ARID1B: variants seen among roughly 807,000 people sequenced by gnomAD.
ARID1B encodes AT-rich interactive domain-containing protein 1B.
ARID1B carries 30 observed loss-of-function variants against 212.3 expected under a neutral mutation model. The ratio of observed to expected loss-of-function variants is 0.14; its 90% CI spans 0.11 to 0.19. The LOEUF is 0.19. Ranked by LOEUF, ARID1B falls within the 10% of genes least tolerant of loss-of-function variation. ARID1B has a pLI of 1.00. For synonymous variants in ARID1B, 1,402 were observed against 1,301.7 expected (o/e 1.08, Z -1.66); for missense variants, 2,891 against 3,204.0 (o/e 0.90, Z 2.36).
intron 3 of ARID1B, among the ~76,000 whole-genome samples, chr6:156,929,840 A>C (rs1476930217): frequency 6.6e-6 from 1 of 152,002 alleles, no homozygotes; most frequent in Non-Finnish European, 1.5e-5. Flanking sequence ...TTTGTTTGTC[A>C]AGGACCAAGG....
chr6:157,047,028 C>G (rs1782284993), intron 4 of ARID1B, among the ~76,000 whole-genome samples: 1 of 152,020 alleles, frequency 6.6e-6, no homozygotes, highest in African/African-American at 2.4e-5. Flanking sequence ...TTAAATCAGT[C>G]CTCTCAAGTT....
At chr6:157,115,355 C>A (rs988582887) in intron 6 of ARID1B, among the ~76,000 whole-genome samples, 3 of 152,122 alleles carry the variant, frequency 2.0e-5, no homozygotes, top group South Asian at 2.1e-4. Flanking sequence ...CATAGTATTG[C>A]CTCCTCTACA....
At chr6:157,001,598 G>C (rs1485294663) in intron 4 of ARID1B, among the ~76,000 whole-genome samples, 1 of 152,230 alleles carries the variant, frequency 6.6e-6, no homozygotes, top group African/African-American at 2.4e-5. Context: ...TAAAATGCCA[G>C]GGGACCTTGT....
chr6:156,899,080 G>A (rs1254042059), intron 2 of ARID1B, among the ~76,000 whole-genome samples: 1 of 152,152 alleles, frequency 6.6e-6, no homozygotes, highest in Non-Finnish European at 1.5e-5. Context: ...TTTACAGAGA[G>A]CACTACAACT....
intron 6 of ARID1B, among the ~76,000 whole-genome samples, chr6:157,115,938 A>G (rs1787298613): frequency 6.6e-6 from 1 of 152,250 alleles, no homozygotes; most frequent in African/African-American, 2.4e-5. Flanking sequence ...CAAAAAATCA[A>G]GCAGTGTAAA....
At chr6:156,966,397 T>TCTTTTC (rs1254694727) in intron 4 of ARID1B, among the ~76,000 whole-genome samples, 18 of 123,672 alleles carry the variant, frequency 1.5e-4, no homozygotes, top group African/African-American at 5.2e-4. Context: ...TTTTTTTTTT[T>TCTTTTC]TTTTTTTTTT....
chr6:156,832,960 A>G (rs547802728), intron 2 of ARID1B, among the ~76,000 whole-genome samples: 1 of 152,290 alleles, frequency 6.6e-6, no homozygotes, highest in East Asian at 1.9e-4. Flanking sequence ...CAGTTCTCCC[A>G]CATCATCAGG....
chr6:156,936,308 C>G (rs1326858370), intron 4 of ARID1B: 1 of 141,244 alleles, frequency 7.1e-6, no homozygotes, highest in Admixed American at 7.2e-5. Context: ...CGCCATTGCA[C>G]TTCAGCCTGG....
At chr6:156,987,159 CAGAGAGAGAGAGAG>C (rs56189333) in intron 4 of ARID1B, among the ~76,000 whole-genome samples, 51 of 141,622 alleles carry the variant, frequency 3.6e-4, no homozygotes, top group South Asian at 3.2e-3. Flanking sequence ...GCCTCGGTGA[CAGAGAGAGAGAGAG>C]AGAGAGAGAG....
chr6:157,115,509 C>T (rs1787264307), intron 6 of ARID1B, among the ~76,000 whole-genome samples: 1 of 152,206 alleles, frequency 6.6e-6, no homozygotes, highest in Admixed American at 6.5e-5. Context: ...TCACTGTGAG[C>T]TCCGCCTTCC....
In ARID1B at chr6:157,200,655, T is replaced by C; in HGVS notation, c.4480-50T>C. The C allele has an allele frequency of 6.5e-7, 1 of 1,533,974 alleles. No homozygotes were observed. The highest frequency in any genetic ancestry group is 8.8e-7 in the Non-Finnish European group (1 of 1,141,552). ...TATTTTGCATAATTTCAGTGTGTGA[T>C]TATACCTGTAAGAGCACATCAGGAT... is the stretch of plus-strand genomic sequence containing the variant. On this transcript the variant is annotated intron_variant, in intron 17 of 19. Transcript: ENST00000636930. The surrounding 1 kb of genome is among the most constrained non-coding windows in gnomAD (Gnocchi z 4.3).
chr6:156,906,575 A>G (rs899185180), intron 3 of ARID1B, among the ~76,000 whole-genome samples: 7 of 132,866 alleles, frequency 5.3e-5, no homozygotes, highest in African/African-American at 2.1e-4. Flanking sequence ...AAAAAAAAAA[A>G]GCACCAGCCA....
intron 8 of ARID1B, among the ~76,000 whole-genome samples, chr6:157,154,580 G>GTTTTTTTTTTTTT (rs1274752634): frequency 5.8e-4 from 65 of 111,564 alleles, no homozygotes; most frequent in Admixed American, 6.5e-4. Flanking sequence ...TTTTTTTTTT[G>GTTTTTTTTTTTTT]TTTTTTTTTT....
At chr6:156,983,059 C>T (rs528605366) in intron 4 of ARID1B, among the ~76,000 whole-genome samples, 36 of 150,314 alleles carry the variant, frequency 2.4e-4, no homozygotes, top group African/African-American at 8.8e-4. Context: ...TGCACAACTG[C>T]ACTCCAGTCC....
chr6:156,804,928 C>G (rs1476320699), intron 1 of ARID1B, among the ~76,000 whole-genome samples: 1 of 148,528 alleles, frequency 6.7e-6, no homozygotes, highest in East Asian at 2.0e-4. Flanking sequence ...TCCTATTTCA[C>G]CCACCCTTAA....
chr6:156,948,681 T>C (rs988545439), intron 4 of ARID1B, among the ~76,000 whole-genome samples: 4 of 152,216 alleles, frequency 2.6e-5, no homozygotes, highest in African/African-American at 9.6e-5. Flanking sequence ...ATTTATTGTG[T>C]CTAATGTCTA....
intron 4 of ARID1B, among the ~76,000 whole-genome samples, chr6:157,011,981 A>T (rs917846731): frequency 9.9e-5 from 15 of 152,252 alleles, no homozygotes; most frequent in African/African-American, 3.6e-4. Flanking sequence ...TCATCTATAA[A>T]GAAATAGACT....
intron 4 of ARID1B, chr6:156,977,057 G>C (rs1777294723): frequency 2.6e-6 from 1 of 390,752 alleles, no homozygotes; most frequent in African/African-American, 2.2e-5. Context: ...GGAAAATCCT[G>C]GAATTCTTTT....
At chr6:156,933,362 C>G (rs1282040516) in intron 3 of ARID1B, among the ~76,000 whole-genome samples, 1 of 152,150 alleles carries the variant, frequency 6.6e-6, no homozygotes, top group Non-Finnish European at 1.5e-5. Flanking sequence ...TTTTTTGTAA[C>G]AGGGTGAAGG....
Sources: gnomAD v4.1 joint callset for allele counts (sites outside exome capture counted in the v4.1 genomes callset) on GRCh38, gnomAD v4.1.1 for gene constraint, Gnocchi (gnomAD v3.1) non-coding constraint, MANE v1.5 for transcripts, NCBI Gene and HGNC (gene_info 2026-07-23, HGNC 2026-07-21) for gene names.